Variants in NRDE2 observed in about 807,000 individuals in gnomAD.
NRDE2 encodes the protein nuclear exosome regulator NRDE2.
NRDE2 carries 76 observed loss-of-function variants against 124.2 expected under a neutral mutation model. The observed-to-expected ratio is 0.61, with a 90% CI of 0.51 to 0.74. The LOEUF is 0.74. NRDE2 is among the 30% of genes least tolerant of loss of function. The pLI is 0.00. For synonymous variants in NRDE2, 489 were observed against 528.1 expected (o/e 0.93, Z 1.01); for missense variants, 1,314 against 1,417.3 (o/e 0.93, Z 1.17).
chr14:90,323,010 C>T (rs1885295887), intron 1 of NRDE2, among the ~76,000 whole-genome samples: 1 of 152,176 alleles, frequency 6.6e-6, no homozygotes, highest in African/African-American at 2.4e-5. Flanking sequence ...GGCTTTTGTC[C>T]TTGCAGGTTA....
intron 11 of NRDE2, 113 bp from the exon 12 acceptor site, chr14:90,286,605 CAG>C: frequency 1.5e-6 from 2 of 1,324,986 alleles, no homozygotes; most frequent in Non-Finnish European, 2.1e-6. Flanking sequence ...CAGACAGACT[CAG>C]GGGAGAACTG....
rs150270537 is a variant in NRDE2, at chr14:90,301,342, C to T, written c.1442G>A (p.Arg481Gln). The T allele has an allele frequency of 1.4e-5, 22 of 1,613,758 alleles. No individual in the cohort carries two copies. Among genetic ancestry groups the T allele is most frequent in the African/African-American group, 2.7e-5 (2 of 74,872 alleles). Residue 481 changes from arginine to glutamine, a missense_variant, in exon 7 of 14, where the codon CGG (arginine) becomes CAG (glutamine). Physicochemically the swap from Arg to Gln is conservative, Grantham distance 43 (BLOSUM62 1). Coordinates refer to ENST00000354366, the MANE Select transcript of NRDE2 (RefSeq NM_017970.4). ...GGCCTTCTCAGAGTGGCCAGCCTGC[C>T]GCAGAAAGTGGCACTGCTGAAGAAA... The part of the protein sequence containing the change: ...ALFLQQCHFL[R>Q]QAGHSEKAIS...
At chr14:90,294,794 C>G (rs1400134311) in intron 8 of NRDE2, among the ~76,000 whole-genome samples, 1 of 152,026 alleles carries the variant, frequency 6.6e-6, no homozygotes, top group Non-Finnish European at 1.5e-5. Context: ...TAATGTCACT[C>G]AACTGTACAC....
At position 90,278,120 on chromosome 14, in the gene NRDE2, CAT is replaced by C. The variant is rs1198517704; in HGVS notation, c.*214_*215del. 2 of 525,858 alleles carry C rather than the reference CAT, an allele frequency of 3.8e-6. No individual in the cohort carries two copies. Among genetic ancestry groups the C allele is most frequent in the Non-Finnish European group, 6.9e-6 (2 of 291,506 alleles). 32.6% of individuals were successfully genotyped at this position (525,858 alleles called of 1,614,324 possible). A position where few individuals can be genotyped will look rare whatever the true frequency, so the allele number is the denominator to read the frequency against. On this transcript the variant is annotated 3_prime_UTR_variant, in exon 14 of 14. Transcript: ENST00000354366. ...CTCTCTGGCTATGTACATATATACA[CAT>C]ATTCACATATATAATATGTAAATAA...
At chr14:90,321,608 T>A (rs151224769) in intron 1 of NRDE2, among the ~76,000 whole-genome samples, 7 of 150,086 alleles carry the variant, frequency 4.7e-5, no homozygotes, top group African/African-American at 1.7e-4. Context: ...GTTTTGAACA[T>A]GAATCATCAT....
Position 90,302,964 on chromosome 14 carries a change from C to A in NRDE2, c.1167G>T (p.Lys389Asn), listed in dbSNP as rs906258927. 2 of 1,613,824 alleles carry A rather than the reference C, an allele frequency of 1.2e-6. No individual in the cohort carries two copies. Among genetic ancestry groups the A allele is most frequent in the East Asian group, 4.5e-5 (2 of 44,890 alleles). Reference sequence around the variant, plus strand: ...AGGGCTCCCAGAACTCTGTGCAGAGCTTCAGCTTGGCCAGTTTCAGATCCA... The same window carrying A: ...AGGGCTCCCAGAACTCTGTGCAGAGATTCAGCTTGGCCAGTTTCAGATCCA... The part of the protein sequence containing the change: ...SSVDLKLAKL[K>N]LCTEFWEPST... Residue 389 changes from lysine to asparagine, a missense_variant, in exon 6 of 14, where the codon AAG (lysine) becomes AAT (asparagine). Lys to Asn is a moderately conservative substitution (Grantham distance 94). Coordinates refer to ENST00000354366, the MANE Select transcript of NRDE2 (RefSeq NM_017970.4).
In NRDE2 at chr14:90,288,317, A is replaced by G. The variant is rs763175244; in HGVS notation, c.3058T>C (p.Phe1020Leu). The stretch of plus-strand genomic sequence containing the variant: ...GCAGACCTGGTGATTGTGTCAAAAA[A>G]TCTCCTGGTTTTGCTGGCACTGTGG... ...KSHSASKTRRFFDTITRSAKP... is the reference protein window; with the variant it reads ...KSHSASKTRRLFDTITRSAKP... The change falls in exon 11 of 14, where the codon TTT becomes CTT. Residue 1020 changes from phenylalanine to leucine, a missense_variant. Physicochemically the swap from Phe to Leu is conservative, Grantham distance 22. Coordinates refer to ENST00000354366, the MANE Select transcript of NRDE2 (RefSeq NM_017970.4). The G allele has an allele frequency of 6.2e-7, 1 of 1,614,086 alleles. No individual in the cohort carries two copies. Among genetic ancestry groups the G allele is most frequent in the South Asian group, 1.1e-5 (1 of 91,070 alleles).
intron 8 of NRDE2, among the ~76,000 whole-genome samples, chr14:90,297,138 C>CAA (rs1005635833): frequency 8.5e-5 from 7 of 82,786 alleles, no homozygotes; most frequent in African/African-American, 2.7e-4. Context: ...GACTCTGTCT[C>CAA]AAAAAAAAAA....
At chr14:90,284,350 A>ATTT (rs546656748) in intron 12 of NRDE2, among the ~76,000 whole-genome samples, 1 of 134,406 alleles carries the variant, frequency 7.4e-6, no homozygotes, top group Non-Finnish European at 1.6e-5. Context: ...TTTTTTTTCT[A>ATTT]TTTTTTTTTT....
chr14:90,306,533 G>A (rs530082904), intron 4 of NRDE2, among the ~76,000 whole-genome samples: 12 of 152,270 alleles, frequency 7.9e-5, no homozygotes, highest in South Asian at 6.2e-4. Context: ...AATGTAGGCC[G>A]GGTGTGGTGG....
chr14:90,288,667 A>G lies in NRDE2; in HGVS notation c.2708T>C (p.Leu903Pro). ...CATGAAGCATTTAGCCAGGCTAATT[A>G]GGCGGCTACAGGAATCGGTGGGAGC... ...NPAPTDSCSR[L>P]ISLAKCFMLF... is the part of the protein sequence containing the mutation. The change falls in exon 11 of 14, where the codon CTA becomes CCA. Residue 903 changes from leucine (L) to proline (P), a missense_variant. Physicochemically the swap from Leu to Pro is moderately conservative, Grantham distance 98 (BLOSUM62 -3). Coordinates refer to ENST00000354366, the MANE Select transcript of NRDE2 (RefSeq NM_017970.4). 1 of 1,614,188 alleles carries G rather than the reference A, an allele frequency of 6.2e-7. No individual in the cohort carries two copies. Among genetic ancestry groups the G allele is most frequent in the South Asian group, 1.1e-5 (1 of 91,086 alleles).
chr14:90,284,309 C>CGT (rs1892040021), intron 12 of NRDE2, among the ~76,000 whole-genome samples: 1 of 151,534 alleles, frequency 6.6e-6, no homozygotes, highest in Non-Finnish European at 1.5e-5. Flanking sequence ...CAGATATATA[C>CGT]GTAAGATTTA....
intron 4 of NRDE2, among the ~76,000 whole-genome samples, chr14:90,305,855 G>A (rs1274758528): frequency 1.3e-5 from 2 of 152,286 alleles, no homozygotes; most frequent in South Asian, 2.1e-4. Context: ...ACAGAGGTTC[G>A]GGTGAGAATG....
At chr14:90,313,162 T>C (rs1381167851) in intron 3 of NRDE2, among the ~76,000 whole-genome samples, 3 of 147,762 alleles carry the variant, frequency 2.0e-5, no homozygotes, top group South Asian at 2.2e-4. Flanking sequence ...AGTCTCGCTC[T>C]GTCACCCAGG....
intron 4 of NRDE2, among the ~76,000 whole-genome samples, chr14:90,311,599 G>A (rs933768580): frequency 1.5e-4 from 23 of 152,174 alleles, no homozygotes; most frequent in Non-Finnish European, 2.6e-4. Flanking sequence ...GGAACTGTGA[G>A]TCCATTAAAA....
intron 4 of NRDE2, among the ~76,000 whole-genome samples, chr14:90,306,280 C>T (rs1384062564): frequency 6.6e-6 from 1 of 152,242 alleles, no homozygotes; most frequent in African/African-American, 2.4e-5. Flanking sequence ...CTCTCCCTCA[C>T]CTCTGTGGCT....
chr14:90,276,220 T>TTG lies in NRDE2; in HGVS notation c.*2115_*2116insCA, dbSNP rs1209246339. On this transcript the variant is annotated 3_prime_UTR_variant, in exon 14 of 14. Transcript: ENST00000354366. ...TGTCAGCAATCTCAAACGGGCTGTT[T>TTG]TTTTTTTTTTTTTTTCGAGACGGAG... is the stretch of plus-strand genomic sequence containing the variant. 5 of 147,812 alleles carry TTG rather than the reference T, an allele frequency of 3.4e-5. No individual in the cohort carries two copies. The highest frequency in any genetic ancestry group is 6.8e-5 in the Admixed American group (1 of 14,810). 9.2% of individuals were successfully genotyped at this position (147,812 alleles called of 1,614,324 possible). A position where few individuals can be genotyped will look rare whatever the true frequency, so the allele number is the denominator to read the frequency against.
chr14:90,330,206 C>CAA (rs5810495), intron 1 of NRDE2, among the ~76,000 whole-genome samples: 2 of 132,156 alleles, frequency 1.5e-5, no homozygotes, highest in African/African-American at 3.0e-5. Flanking sequence ...GACTTGGTCT[C>CAA]AAAAAAAAAA....
intron 4 of NRDE2, among the ~76,000 whole-genome samples, chr14:90,310,555 C>G (rs1181232344): frequency 1.4e-5 from 2 of 145,528 alleles, no homozygotes; most frequent in African/African-American, 5.1e-5. Flanking sequence ...GAGTCTTGCT[C>G]TGTTGCCCAG....
Sources: allele counts gnomAD v4.1 joint callset (sites outside exome capture counted in the v4.1 genomes callset), GRCh38; gene constraint gnomAD v4.1.1; transcripts MANE v1.5; gene names NCBI Gene and HGNC (gene_info 2026-07-23, HGNC 2026-07-21).